CEP112: variants seen among roughly 807,000 people sequenced by gnomAD.
CEP112 encodes the protein centrosomal protein of 112 kDa.
CEP112 carries 127 observed loss-of-function variants against 153.0 expected under a neutral mutation model. The ratio of observed to expected loss-of-function variants is 0.83; its 90% CI spans 0.72 to 0.96. CEP112 has a LOEUF of 0.96. CEP112 is among the 40% of genes least tolerant of loss of function. The probability of loss-of-function intolerance (pLI) is 0.00; values close to 1 mark genes in which losing one functional copy is unlikely to be tolerated. For synonymous variants in CEP112, 358 were observed against 374.4 expected (o/e 0.96, Z 0.51); for missense variants, 1,089 against 1,101.2 (o/e 0.99, Z 0.16).
At chr17:66,070,840 C>A (rs1232799324) in intron 8 of CEP112, among the ~76,000 whole-genome samples, 1 of 152,110 alleles carries the variant, frequency 6.6e-6, no homozygotes, top group African/African-American at 2.4e-5. Context: ...AACTCTAATT[C>A]CAATCCCACC....
At chr17:65,910,389 T>C (rs903617580) in intron 19 of CEP112, among the ~76,000 whole-genome samples, 1 of 152,056 alleles carries the variant, frequency 6.6e-6, no homozygotes, top group Non-Finnish European at 1.5e-5. Flanking sequence ...GGGAGAAAAG[T>C]ATCTGAAAAC....
intron 6 of CEP112, among the ~76,000 whole-genome samples, chr17:66,105,439 T>C (rs1230865689): frequency 6.6e-6 from 1 of 152,040 alleles, no homozygotes; most frequent in Non-Finnish European, 1.5e-5. Context: ...TACTTATCAA[T>C]AATAACATTC....
intron 23 of CEP112, among the ~76,000 whole-genome samples, chr17:65,689,674 C>A (rs1415108556): frequency 6.6e-6 from 1 of 151,922 alleles, no homozygotes; most frequent in Non-Finnish European, 1.5e-5. Flanking sequence ...ATTATAGCAG[C>A]CTTAAAGGAA....
chr17:66,058,789 C>T (rs2066809185), intron 11 of CEP112, among the ~76,000 whole-genome samples: 1 of 152,096 alleles, frequency 6.6e-6, no homozygotes, highest in Admixed American at 6.5e-5. Context: ...GAGCTCAAGG[C>T]TGTGGTGAGC....
intron 21 of CEP112, among the ~76,000 whole-genome samples, chr17:65,804,133 T>C (rs1368792894): frequency 6.6e-6 from 1 of 152,162 alleles, no homozygotes; most frequent in African/African-American, 2.4e-5. Context: ...AAAAAACGAG[T>C]TGGGATTAAT....
intron 12 of CEP112, among the ~76,000 whole-genome samples, chr17:66,032,435 G>A (rs2065530004): frequency 6.6e-6 from 1 of 152,048 alleles, no homozygotes; most frequent in South Asian, 2.1e-4. Context: ...ATTGTCCAAG[G>A]AGGAGAGCCC....
At chr17:66,083,712 G>A (rs548011492) in intron 8 of CEP112, among the ~76,000 whole-genome samples, 16 of 152,160 alleles carry the variant, frequency 1.1e-4, no homozygotes, top group South Asian at 8.3e-4. Context: ...TTAGCCAGGC[G>A]TGGTGGTGAG....
chr17:66,055,922 T>A (rs1027280046), intron 11 of CEP112, among the ~76,000 whole-genome samples: 1 of 152,202 alleles, frequency 6.6e-6, no homozygotes, highest in Non-Finnish European at 1.5e-5. Flanking sequence ...ACCTGCTATG[T>A]ACCAGGCATA....
At chr17:65,948,214 C>A (rs1011543220) in intron 18 of CEP112, among the ~76,000 whole-genome samples, 11 of 152,148 alleles carry the variant, frequency 7.2e-5, no homozygotes, top group Admixed American at 5.2e-4. Flanking sequence ...CAGCGCTTTT[C>A]AGAACTTTGT....
At chr17:65,682,018 G>C (rs2047557675) in intron 24 of CEP112, among the ~76,000 whole-genome samples, 1 of 151,274 alleles carries the variant, frequency 6.6e-6, no homozygotes, top group Non-Finnish European at 1.5e-5. Flanking sequence ...TTTTGAGATG[G>C]AGTCTCACTC....
At chr17:65,680,180 C>T (rs559411965) in intron 24 of CEP112, among the ~76,000 whole-genome samples, 34 of 152,232 alleles carry the variant, frequency 2.2e-4, no homozygotes, top group African/African-American at 8.2e-4. Flanking sequence ...CCTGTGAATG[C>T]TTTTTGGTGC....
Position 65,743,123 on chromosome 17 carries a change from T to G in CEP112, c.2552A>C (p.Gln851Pro). 1 of 1,612,616 alleles carries G rather than the reference T, an allele frequency of 6.2e-7. No individual in the cohort carries two copies. Among genetic ancestry groups the G allele is most frequent in the Non-Finnish European group, 8.5e-7 (1 of 1,179,466 alleles). ...CTGCTTCTTCTCATCTTCAAACTTT[T>G]GTCTAACATCCTGGAGCCGCCTTTC... is the stretch of plus-strand genomic sequence containing the variant. ...AAERRLQDVR[Q>P]KFEDEKKQLI... The change falls in exon 23 of 27, where the codon CAA becomes CCA. Residue 851 changes from glutamine to proline, a missense_variant. Transcript: ENST00000535342.
chr17:65,892,173 G>T (rs557368988), intron 20 of CEP112, among the ~76,000 whole-genome samples: 4 of 152,130 alleles, frequency 2.6e-5, no homozygotes, highest in Admixed American at 2.0e-4. Flanking sequence ...GATGTGAAAG[G>T]CACCTCCTAA....
intron 21 of CEP112, among the ~76,000 whole-genome samples, chr17:65,812,044 C>T (rs946351031): frequency 4.0e-5 from 6 of 151,894 alleles, no homozygotes; most frequent in African/African-American, 1.2e-4. Context: ...CACTCCATTG[C>T]CCAGGCTGGA....
chr17:66,128,519 G>A (rs2069970319), intron 6 of CEP112, among the ~76,000 whole-genome samples: 1 of 152,124 alleles, frequency 6.6e-6, no homozygotes, highest in African/African-American at 2.4e-5. Context: ...CAGTGAATAG[G>A]TGGAAAATGG....
intron 4 of CEP112, among the ~76,000 whole-genome samples, chr17:66,150,110 C>G (rs1735214631): frequency 6.8e-6 from 1 of 146,600 alleles, no homozygotes; most frequent in African/African-American, 2.5e-5. Flanking sequence ...CCCGGTTAGC[C>G]AGGATGGTCT....
At chr17:65,652,610 T>C (rs1271675332) in intron 24 of CEP112, among the ~76,000 whole-genome samples, 12 of 152,282 alleles carry the variant, frequency 7.9e-5, no homozygotes, top group African/African-American at 2.6e-4. Flanking sequence ...TAGCAAGTTA[T>C]TTGCATAAAT....
chr17:65,890,183 C>T (rs1040839487), intron 20 of CEP112, among the ~76,000 whole-genome samples: 7 of 152,056 alleles, frequency 4.6e-5, no homozygotes. Flanking sequence ...TAAATAATTA[C>T]TAAGTGGGAT....
intron 4 of CEP112, among the ~76,000 whole-genome samples, chr17:66,140,763 G>A (rs184978709): frequency 6.8e-4 from 104 of 152,052 alleles, no homozygotes; most frequent in African/African-American, 2.4e-3. Flanking sequence ...CTGCCTCCCC[G>A]AGTGGCTGGG....
Sources: gnomAD v4.1 joint callset for allele counts (sites outside exome capture counted in the v4.1 genomes callset) on GRCh38, gnomAD v4.1.1 for gene constraint, MANE v1.5 for transcripts, NCBI Gene and HGNC (gene_info 2026-07-23, HGNC 2026-07-21) for gene names.